The following TPR variants were observed in gnomAD, a reference collection of about 807,000 sequenced individuals.
TPR encodes the protein translocated promoter region, nuclear basket protein.
Under a neutral mutation model 316.1 loss-of-function variants are expected in TPR, and 51 were observed. That is an observed-to-expected ratio of 0.16 (90% CI 0.13 to 0.20). TPR has a LOEUF of 0.20. Among genes scored for constraint, TPR ranks in the 10% least tolerant of loss-of-function variants. The probability of loss-of-function intolerance (pLI) is 1.00; values close to 1 mark genes in which losing one functional copy is unlikely to be tolerated. For missense variants in TPR, 2,272 were observed against 2,754.8 expected (o/e 0.82, Z 3.92); for synonymous variants, 981 against 914.7 (o/e 1.07, Z -1.31).
chr1:186,317,731 T>C (rs377216241), intron 48 of TPR, 131 bp from the exon 49 acceptor site: 3 of 739,214 alleles, frequency 4.1e-6, no homozygotes, highest in East Asian at 5.5e-5. Context: ...ATAGACTGAT[T>C]TGGTTACCAT....
At chr1:186,329,686 C>T (rs990449902) in intron 39 of TPR, among the ~76,000 whole-genome samples, 6 of 152,116 alleles carry the variant, frequency 3.9e-5, no homozygotes, top group African/African-American at 1.2e-4. Context: ...TCAACCTGTA[C>T]TACATAATCA....
In TPR at chr1:186,337,167, A is replaced by C. The variant is rs908550592; in HGVS notation, c.4363-11T>G. On this transcript the variant is annotated splice_polypyrimidine_tract_variant and intron_variant, in intron 31 of 50. Coordinates refer to ENST00000367478, the MANE Select transcript of TPR (RefSeq NM_003292.3). ...CGATGTCTCCATAACCTAAGACAAC[A>C]AACAGTAATAATACACTCACATATT... is the stretch of plus-strand genomic sequence containing the variant. 6.2e-7 allele frequency: 1 copy of C among 1,611,076 alleles called. No homozygotes were observed. Among genetic ancestry groups the C allele is most frequent in the Non-Finnish European group, 8.5e-7 (1 of 1,178,364 alleles).
At chr1:186,357,172 C>T (rs1399892943) in intron 14 of TPR, among the ~76,000 whole-genome samples, 1 of 152,068 alleles carries the variant, frequency 6.6e-6, no homozygotes. Context: ...AGCCTGTCTC[C>T]TGAGTAGCTG....
intron 5 of TPR, 49 bp downstream of exon 5, chr1:186,363,293 T>C: frequency 7.0e-7 from 1 of 1,428,814 alleles, no homozygotes; most frequent in Non-Finnish European, 9.7e-7. Flanking sequence ...TTTAGGTGAG[T>C]TTTAATAAAA....
intron 46 of TPR, among the ~76,000 whole-genome samples, chr1:186,319,396 A>T (rs1003192654): frequency 6.6e-6 from 1 of 152,226 alleles, no homozygotes; most frequent in Non-Finnish European, 1.5e-5. Context: ...AGCTAATTTT[A>T]TTGAGTATCC....
At chr1:186,315,805 T>TGACCCTGA (rs985956648) in intron 49 of TPR, among the ~76,000 whole-genome samples, 150 of 150,412 alleles carry the variant, frequency 1.0e-3, no homozygotes, top group Non-Finnish European at 1.7e-3. Flanking sequence ...GCCTCCTTGT[T>TGACCCTGA]GACCCTGAAC....
intron 47 of TPR, 44 bp downstream of exon 47, chr1:186,318,689 T>G: frequency 6.2e-7 from 1 of 1,610,520 alleles, no homozygotes; most frequent in Non-Finnish European, 8.5e-7. Context: ...TAGGTTTTCA[T>G]TTTACCAATA....
rs1336024817 is a variant in TPR, at chr1:186,355,500, T to C, written c.2081A>G (p.Asn694Ser). The C allele has an allele frequency of 6.1e-5, 98 of 1,612,364 alleles. No individual in the cohort carries two copies. The highest frequency in any genetic ancestry group is 8.2e-5 in the Non-Finnish European group (97 of 1,179,748). ...TTCTTGAAGTTTCTCAAGCTGCTCATTTTGTATTTTTTCATTTTCTGCTTT... is the reference window on the plus strand; with the variant it reads ...TTCTTGAAGTTTCTCAAGCTGCTCACTTTGTATTTTTTCATTTTCTGCTTT... ...KEKAENEKIQ[N>S]EQLEKLQEQV... Residue 694 changes from asparagine to serine, a missense_variant, in exon 17 of 51, where the codon AAT becomes AGT. Transcript: ENST00000367478.
chr1:186,352,861 G>A (rs1483703497), intron 18 of TPR, among the ~76,000 whole-genome samples: 2 of 152,124 alleles, frequency 1.3e-5, no homozygotes, highest in African/African-American at 4.8e-5. Context: ...TAAAATGGGG[G>A]ACAACTATAC....
Position 186,344,498 on chromosome 1 carries a change from A to G in TPR, c.3294T>C (p.Ala1098=). ...CCATTTTTGAAACCTGCTCCTTCGCAGCTTGTAGAGCTTCAACATCAGCAG... is the reference window on the plus strand; with the variant it reads ...CCATTTTTGAAACCTGCTCCTTCGCGGCTTGTAGAGCTTCAACATCAGCAG... ...LHAADVEALQ[A]AKEQVSKMAS... Residue 1098 remains alanine (A), a synonymous_variant, in exon 25 of 51, where the codon GCT becomes GCC. Coordinates refer to ENST00000367478, the MANE Select transcript of TPR (RefSeq NM_003292.3). The G allele has an allele frequency of 6.2e-6, 10 of 1,613,750 alleles. No homozygotes were observed. Among genetic ancestry groups the G allele is most frequent in the African/African-American group, 1.3e-5 (1 of 75,042 alleles).
chr1:186,357,335 C>A, intron 14 of TPR, 62 bp downstream of exon 14: 1 of 1,539,984 alleles, frequency 6.5e-7, no homozygotes. Flanking sequence ...GCATGAGACA[C>A]TGAGCCTAGC....
intron 32 of TPR, among the ~76,000 whole-genome samples, 154 bp from the exon 33 acceptor site, chr1:186,336,848 C>T (rs1008332425): frequency 6.6e-6 from 1 of 152,124 alleles, no homozygotes; most frequent in Admixed American, 6.6e-5. Context: ...ACTAAATGCA[C>T]ACTTGAAGAT....
chr1:186,362,768 A>C (rs1659235444), intron 6 of TPR, 69 bp downstream of exon 6: 2 of 1,356,552 alleles, frequency 1.5e-6, no homozygotes, highest in Non-Finnish European at 1.0e-6. Flanking sequence ...CTGAATACAT[A>C]TTTAATAAAC....
intron 42 of TPR, among the ~76,000 whole-genome samples, 160 bp from the exon 43 acceptor site, chr1:186,324,030 A>T (rs552507890): frequency 1.3e-5 from 2 of 152,220 alleles, no homozygotes; most frequent in African/African-American, 4.8e-5. Flanking sequence ...TGGGTTTTAC[A>T]CCCAGAGACA....
intron 4 of TPR, among the ~76,000 whole-genome samples, chr1:186,367,139 T>C (rs1323114148): frequency 7.0e-6 from 1 of 142,630 alleles, no homozygotes; most frequent in Non-Finnish European, 1.5e-5. Flanking sequence ...CAATCTTGGC[T>C]CACTACAACC....
At chr1:186,369,386 T>C (rs770538907) in intron 3 of TPR, among the ~76,000 whole-genome samples, 2 of 152,152 alleles carry the variant, frequency 1.3e-5, no homozygotes, top group Non-Finnish European at 2.9e-5. Flanking sequence ...TCTATGAGTA[T>C]GGTATATCTT....
At chr1:186,353,112 C>T (rs1658914078) in intron 18 of TPR, among the ~76,000 whole-genome samples, 1 of 152,122 alleles carries the variant, frequency 6.6e-6, no homozygotes. Context: ...GTGGCTCATG[C>T]CTGTAATCCC....
chr1:186,332,188 T>C lies in TPR; in HGVS notation c.5604+7A>G, dbSNP rs750830162. On this transcript the variant is annotated splice_region_variant and intron_variant, in intron 38 of 50. Coordinates refer to ENST00000367478, the MANE Select transcript of TPR (RefSeq NM_003292.3). ...AAGTTAAAATACACAGAAAGAACTT[T>C]ACGCACCTCAGTTCCTACAGGTGTG... The C allele has an allele frequency of 2.4e-5, 38 of 1,601,510 alleles. No homozygotes were observed. Among genetic ancestry groups the C allele is most frequent in the Non-Finnish European group, 3.1e-5 (37 of 1,174,784 alleles).
intron 49 of TPR, among the ~76,000 whole-genome samples, chr1:186,315,229 C>A (rs768452132): frequency 0.18 from 24,719 of 140,696 alleles, 2,382 homozygotes; most frequent in African/African-American, 0.26. Flanking sequence ...AACAAACAAA[C>A]AAAAAAAAAA....
Sources: gnomAD v4.1 joint callset for allele counts (sites outside exome capture counted in the v4.1 genomes callset) on GRCh38, gnomAD v4.1.1 for gene constraint, MANE v1.5 for transcripts, NCBI Gene and HGNC (gene_info 2026-07-23, HGNC 2026-07-21) for gene names.